The following HECTD2 variants were observed in gnomAD, a reference collection of about 807,000 sequenced individuals.
HECTD2 encodes the protein probable E3 ubiquitin-protein ligase HECTD2.
Under a neutral mutation model 103.2 loss-of-function variants are expected in HECTD2, and 35 were observed. The ratio of observed to expected loss-of-function variants is 0.34; its 90% CI spans 0.26 to 0.45. The LOEUF is 0.45. Ranked by LOEUF, HECTD2 falls within the 20% of genes least tolerant of loss-of-function variation. The pLI, the probability that HECTD2 is intolerant of heterozygous loss-of-function variation, is 1.00. For synonymous variants in HECTD2, 281 were observed against 329.9 expected (o/e 0.85, Z 1.61); for missense variants, 596 against 937.4 (o/e 0.64, Z 4.76).
chr10:91,491,447 C>G (rs1205883359), intron 12 of HECTD2, 140 bp downstream of exon 12: 1 of 494,344 alleles, frequency 2.0e-6, no homozygotes, highest in Non-Finnish European at 3.6e-6. Flanking sequence ...TTGTTGCATA[C>G]CAAGCTTCTG....
intron 2 of HECTD2, among the ~76,000 whole-genome samples, chr10:91,457,930 G>A (rs915844560): frequency 1.4e-5 from 2 of 146,782 alleles, no homozygotes; most frequent in Non-Finnish European, 3.0e-5. Context: ...AATTTTAGCC[G>A]ATACAAGAAG....
chr10:91,412,629 T>TA (rs1564694011), intron 1 of HECTD2, among the ~76,000 whole-genome samples: 9 of 149,432 alleles, frequency 6.0e-5, no homozygotes, highest in African/African-American at 1.2e-4. Context: ...TATTTATTTT[T>TA]TAAAAAAAAA....
rs374454696 is a variant in HECTD2 at position 91,512,929 on chromosome 10, T to C, written c.*545T>C. On this transcript the variant is annotated 3_prime_UTR_variant, in exon 21 of 21. Coordinates refer to ENST00000298068, the MANE Select transcript of HECTD2 (RefSeq NM_182765.6). Reference sequence around the variant, plus strand: ...TCTTCTCAGCAGTTGCTGAAAAGCATGTAAATAACTACATAATAGCCTGAG... The same window carrying C: ...TCTTCTCAGCAGTTGCTGAAAAGCACGTAAATAACTACATAATAGCCTGAG... 1.3e-5 allele frequency: 2 copies of C among 152,874 alleles called. No individual in the cohort carries two copies. Among genetic ancestry groups the C allele is most frequent in the African/African-American group, 4.8e-5 (2 of 41,468 alleles). The allele number at this position is 152,874 out of a possible 1,614,324, so 9.5% of individuals were successfully genotyped here.
chr10:91,452,913 G>C (rs928128259), intron 2 of HECTD2, among the ~76,000 whole-genome samples: 2 of 152,008 alleles, frequency 1.3e-5, no homozygotes, highest in Non-Finnish European at 2.9e-5. Flanking sequence ...CTAAGAATTT[G>C]TTGCCACTAC....
chr10:91,422,470 G>A, intron 1 of HECTD2, among the ~76,000 whole-genome samples: 1 of 152,106 alleles, frequency 6.6e-6, no homozygotes, highest in East Asian at 1.9e-4. Context: ...AAATTTGTGT[G>A]TCCAATTTGG....
At chr10:91,503,472 A>G (rs1319470720) in intron 20 of HECTD2, among the ~76,000 whole-genome samples, 4 of 152,218 alleles carry the variant, frequency 2.6e-5, no homozygotes, top group African/African-American at 7.2e-5. Flanking sequence ...CGGGAAGCGC[A>G]AGGGGTCAGG....
intron 20 of HECTD2, among the ~76,000 whole-genome samples, chr10:91,510,960 G>C (rs1302472496): frequency 1.3e-5 from 2 of 152,072 alleles, no homozygotes; most frequent in Admixed American, 6.6e-5. Context: ...AGTAAAATGA[G>C]AACAACCACT....
chr10:91,500,662 C>A (rs951750722), intron 19 of HECTD2, 45 bp downstream of exon 19: 6 of 906,152 alleles, frequency 6.6e-6, no homozygotes, highest in African/African-American at 6.5e-5. Context: ...GGAGAGGGAA[C>A]AGCAGACAGT....
chr10:91,477,149 A>C (rs1845936641), intron 5 of HECTD2, among the ~76,000 whole-genome samples: 2 of 145,982 alleles, frequency 1.4e-5, no homozygotes. Flanking sequence ...CCACTGCAGT[A>C]CGCAGTCTGG....
intron 20 of HECTD2, among the ~76,000 whole-genome samples, chr10:91,502,658 A>T (rs1846950121): frequency 6.6e-6 from 1 of 152,132 alleles, no homozygotes; most frequent in Non-Finnish European, 1.5e-5. Context: ...AAGTCCTAAA[A>T]TGAAAAAATT....
chr10:91,502,436 T>C (rs1846939680), intron 20 of HECTD2, among the ~76,000 whole-genome samples: 1 of 152,236 alleles, frequency 6.6e-6, no homozygotes, highest in African/African-American at 2.4e-5. Flanking sequence ...AGTTATGTGC[T>C]AGTTACCATG....
chr10:91,504,817 C>G (rs1847078456), intron 20 of HECTD2, among the ~76,000 whole-genome samples: 1 of 151,824 alleles, frequency 6.6e-6, no homozygotes, highest in Non-Finnish European at 1.5e-5. Context: ...CTCCAAGACA[C>G]ATAATTGTCA....
intron 11 of HECTD2, chr10:91,488,051 G>A: frequency 4.5e-6 from 1 of 219,884 alleles, no homozygotes; most frequent in Non-Finnish European, 9.0e-6. Context: ...GAGCTTGTTG[G>A]ACCTCGTTTT....
chr10:91,466,111 G>A (rs1485304738), intron 5 of HECTD2, among the ~76,000 whole-genome samples: 1 of 152,094 alleles, frequency 6.6e-6, no homozygotes, highest in African/African-American at 2.4e-5. Context: ...GGTTCCTTTA[G>A]TAGACACAGG....
intron 2 of HECTD2, among the ~76,000 whole-genome samples, chr10:91,440,249 C>T (rs984875046): frequency 6.6e-6 from 1 of 152,064 alleles, no homozygotes; most frequent in Non-Finnish European, 1.5e-5. Context: ...AGAAACATCC[C>T]ATCAATACCT....
rs143439131 is a variant in HECTD2, at chr10:91,457,745, A to T, written c.269-2682A>T. On this transcript the variant is annotated intron_variant, in intron 2 of 20. Transcript: ENST00000298068. ...CTTTTACCTTAAGTTTGGGAACAAG[A>T]CAAGGATGTCTGCTCTCAGCACTCT... Among the ~76,000 whole-genome samples the T allele has an allele frequency of 3.9e-5, 6 of 152,144 alleles. No individual in the cohort carries two copies. The East Asian group carries it at 1.2e-3, about 29-fold the overall frequency.
At chr10:91,483,746 A>G (rs1244054392) in intron 8 of HECTD2, among the ~76,000 whole-genome samples, 1 of 151,952 alleles carries the variant, frequency 6.6e-6, no homozygotes, top group African/African-American at 2.4e-5. Flanking sequence ...GGTTCCTGTG[A>G]GCCTCTGATC....
chr10:91,474,452 T>C (rs904601246), intron 5 of HECTD2, among the ~76,000 whole-genome samples: 1 of 152,198 alleles, frequency 6.6e-6, no homozygotes, highest in African/African-American at 2.4e-5. Context: ...CAAAGGAAGT[T>C]GAAATCGTTG....
chr10:91,452,013 T>C lies in HECTD2; in HGVS notation c.269-8414T>C, dbSNP rs956055970. ...AATACAACAATCAAAGTAAAAAGCT[T>C]TGTAGATGAGCTCAACAACAGAATG... On this transcript the variant is annotated intron_variant, in intron 2 of 20. Coordinates refer to ENST00000298068, the MANE Select transcript of HECTD2 (RefSeq NM_182765.6). 2.6e-5 allele frequency among the ~76,000 whole-genome samples: 4 copies of C among 152,106 alleles called. 1 individual carries two copies. Among genetic ancestry groups the C allele is most frequent in the Non-Finnish European group, 5.9e-5 (4 of 68,006 alleles).
Sources: gnomAD v4.1 joint callset for allele counts (sites outside exome capture counted in the v4.1 genomes callset) on GRCh38, gnomAD v4.1.1 for gene constraint, MANE v1.5 for transcripts, NCBI Gene and HGNC (gene_info 2026-07-23, HGNC 2026-07-21) for gene names.